Variants in KIF16B observed in about 807,000 individuals in gnomAD.
The protein encoded by KIF16B is kinesin family member 16B.
KIF16B carries 98 observed loss-of-function variants against 156.3 expected under a neutral mutation model. The ratio of observed to expected loss-of-function variants is 0.63; its 90% CI spans 0.53 to 0.74. The LOEUF is 0.74. KIF16B is among the 30% of genes least tolerant of loss of function. KIF16B has a pLI of 0.00. For synonymous variants in KIF16B, 564 were observed against 583.7 expected, an observed-to-expected ratio of 0.97 and a Z score of 0.49; for missense variants, 1,421 against 1,606.5, an observed-to-expected ratio of 0.88 and a Z score of 1.97.
chr20:16,378,517 C>T (rs6135741), intron 19 of KIF16B, among the ~76,000 whole-genome samples: 18 of 152,196 alleles, frequency 1.2e-4, no homozygotes, highest in East Asian at 7.7e-4. Context: ...TATTAAAACA[C>T]GCACATTCCA....
intron 25 of KIF16B, among the ~76,000 whole-genome samples, chr20:16,287,882 T>C (rs1360352196): frequency 1.3e-5 from 2 of 152,062 alleles, no homozygotes; most frequent in African/African-American, 4.8e-5. Flanking sequence ...GGACCAGAAG[T>C]GAGGACATGT....
chr20:16,529,448 A>C (rs114228485), intron 1 of KIF16B, among the ~76,000 whole-genome samples: 1,761 of 152,332 alleles, frequency 0.012, 40 homozygotes, highest in African/African-American at 0.039. Flanking sequence ...CTATAATGAG[A>C]TATATCCTAA....
intron 22 of KIF16B, chr20:16,368,710 A>T (rs1192569095): frequency 3.0e-6 from 3 of 985,812 alleles, no homozygotes; most frequent in Non-Finnish European, 1.2e-6. Context: ...CTCAGACGCC[A>T]GTACGCTCTG....
chr20:16,371,589 CA>C (rs111754823), intron 21 of KIF16B, 75 bp downstream of exon 21: 62,784 of 611,228 alleles, frequency 0.1, 185 homozygotes, highest in Middle Eastern at 0.13. Flanking sequence ...GACTCAGTCT[CA>C]AAAAAAAAAA....
At chr20:16,491,828 C>T (rs913495142) in intron 12 of KIF16B, among the ~76,000 whole-genome samples, 3 of 152,126 alleles carry the variant, frequency 2.0e-5, no homozygotes, top group Admixed American at 1.3e-4. Context: ...TCAACAGGAC[C>T]GTGGATTCCA....
intron 10 of KIF16B, 114 bp downstream of exon 10, chr20:16,504,258 T>C (rs2146999260): frequency 9.5e-7 from 1 of 1,050,924 alleles, no homozygotes; most frequent in African/African-American, 1.6e-5. Flanking sequence ...AAAGCTTTAC[T>C]TAGCACTTAT....
chr20:16,330,264 T>C (rs954942420), intron 24 of KIF16B, among the ~76,000 whole-genome samples: 7 of 152,192 alleles, frequency 4.6e-5, no homozygotes, highest in Non-Finnish European at 8.8e-5. Flanking sequence ...CTGAGGGGTC[T>C]TCAGTTGACA....
intron 12 of KIF16B, among the ~76,000 whole-genome samples, chr20:16,480,904 A>G (rs970446019): frequency 3.9e-5 from 6 of 152,182 alleles, no homozygotes; most frequent in African/African-American, 1.4e-4. Context: ...AGTGTCTCCA[A>G]ATGCTTGTAT....
At chr20:16,452,712 G>A (rs1010648112) in intron 12 of KIF16B, among the ~76,000 whole-genome samples, 4 of 152,054 alleles carry the variant, frequency 2.6e-5, no homozygotes, top group Non-Finnish European at 4.4e-5. Flanking sequence ...GTGGGTGCCT[G>A]TAGTCCCAGC....
chr20:16,479,836 A>G (rs1190926986), intron 12 of KIF16B, among the ~76,000 whole-genome samples: 1 of 152,206 alleles, frequency 6.6e-6, no homozygotes, highest in Admixed American at 6.5e-5. Context: ...TGTTTGCACA[A>G]TGAGAAAGTT....
chr20:16,533,421 T>A (rs2069831986), intron 1 of KIF16B, among the ~76,000 whole-genome samples: 2 of 152,212 alleles, frequency 1.3e-5, no homozygotes, highest in South Asian at 4.1e-4. Context: ...CTGATGAACG[T>A]TAAAATTTAA....
chr20:16,451,330 GA>G (rs150541070), intron 12 of KIF16B, among the ~76,000 whole-genome samples: 5,828 of 149,544 alleles, frequency 0.039, 396 homozygotes, highest in African/African-American at 0.13. Flanking sequence ...ATGAGAGACA[GA>G]AAAAAAAATG....
intron 15 of KIF16B, among the ~76,000 whole-genome samples, chr20:16,417,891 A>G (rs1229197849): frequency 2.6e-5 from 4 of 152,114 alleles, no homozygotes; most frequent in Non-Finnish European, 5.9e-5. Context: ...GAACTGTGAG[A>G]CAATAGTAAA....
At chr20:16,353,816 G>A (rs2064384881) in intron 23 of KIF16B, among the ~76,000 whole-genome samples, 1 of 152,118 alleles carries the variant, frequency 6.6e-6, no homozygotes, top group African/African-American at 2.4e-5. Flanking sequence ...ATCCATATGG[G>A]GTGGAAGGCT....
At chr20:16,339,724 T>C (rs1014737446) in intron 23 of KIF16B, among the ~76,000 whole-genome samples, 1 of 152,240 alleles carries the variant, frequency 6.6e-6, no homozygotes, top group Non-Finnish European at 1.5e-5. Flanking sequence ...TCCTTGATGT[T>C]TGTCTTTCCT....
chr20:16,555,083 G>A (rs2070799150), intron 1 of KIF16B, among the ~76,000 whole-genome samples: 1 of 152,192 alleles, frequency 6.6e-6, no homozygotes, highest in Admixed American at 6.5e-5. Flanking sequence ...TTGGGCAAAG[G>A]TGCCACTGGC....
chr20:16,383,827 A>G (rs1263610600), intron 17 of KIF16B, among the ~76,000 whole-genome samples: 1 of 152,246 alleles, frequency 6.6e-6, no homozygotes, highest in Non-Finnish European at 1.5e-5. Context: ...GCCCATCAGT[A>G]GAGCTGGCTT....
intron 16 of KIF16B, among the ~76,000 whole-genome samples, chr20:16,405,943 C>A (rs1241980028): frequency 1.3e-5 from 2 of 152,104 alleles, no homozygotes; most frequent in East Asian, 3.9e-4. Flanking sequence ...CAAAGTCTTT[C>A]CCAGTTGTCC....
At chr20:16,567,426 C>A (rs534714112) in intron 1 of KIF16B, among the ~76,000 whole-genome samples, 1 of 152,134 alleles carries the variant, frequency 6.6e-6, no homozygotes, top group Non-Finnish European at 1.5e-5. Flanking sequence ...CCATCTCAAC[C>A]GTACACAGAT....
Sources: allele counts gnomAD v4.1 joint callset (sites outside exome capture counted in the v4.1 genomes callset), GRCh38; gene constraint gnomAD v4.1.1; transcripts MANE v1.5; gene names NCBI Gene and HGNC (gene_info 2026-07-23, HGNC 2026-07-21).